NFIB: variants seen among roughly 807,000 people sequenced by gnomAD.
NFIB encodes the protein nuclear factor 1 B-type.
A neutral mutation model predicts 61.5 loss-of-function variants in NFIB; 11 were observed. The ratio of observed to expected loss-of-function variants is 0.18; its 90% CI spans 0.11 to 0.30. The LOEUF is 0.30. NFIB is among the 10% of genes least tolerant of loss of function. The pLI is 1.00. For synonymous variants in NFIB, 260 were observed against 216.5 expected (o/e 1.20, Z -1.76); for missense variants, 471 against 608.9 (o/e 0.77, Z 2.38).
chr9:14,411,226 C>A, the NFIB span, among the ~76,000 whole-genome samples: 1 of 152,186 alleles, frequency 6.6e-6, no homozygotes, highest in Non-Finnish European at 1.5e-5. Flanking sequence ...TCAGTGGACA[C>A]ACATTACTGG....
At chr9:14,423,240 G>A in the NFIB span, among the ~76,000 whole-genome samples, 1 of 152,146 alleles carries the variant, frequency 6.6e-6, no homozygotes, top group Non-Finnish European at 1.5e-5. Flanking sequence ...CATTCTTAAG[G>A]ATGGTTTATT....
chr9:14,099,164 C>A (rs1465556328), intron 10 of NFIB, among the ~76,000 whole-genome samples: 4 of 152,096 alleles, frequency 2.6e-5, no homozygotes, highest in African/African-American at 9.7e-5. Context: ...TAAAGCAAAA[C>A]CAAAACACCC....
intron 1 of NFIB, among the ~76,000 whole-genome samples, chr9:14,382,811 A>G (rs754463954): frequency 6.6e-6 from 1 of 152,198 alleles, no homozygotes; most frequent in South Asian, 2.1e-4. Flanking sequence ...TAGCTGCACT[A>G]CTAGAAAAAT....
chr9:14,186,772 T>C (rs1048510361), intron 2 of NFIB, among the ~76,000 whole-genome samples: 7 of 152,072 alleles, frequency 4.6e-5, no homozygotes, highest in Non-Finnish European at 8.8e-5. Flanking sequence ...GCTTTTTTTT[T>C]TCCAGCACAG....
chr9:14,513,577 G>A, the NFIB span, among the ~76,000 whole-genome samples: 3 of 139,330 alleles, frequency 2.2e-5, no homozygotes, highest in Admixed American at 7.9e-5. Context: ...GCAGTGAGCC[G>A]AAATTGTGCC....
At chr9:14,345,582 C>T (rs1049747668) in intron 1 of NFIB, among the ~76,000 whole-genome samples, 1 of 152,134 alleles carries the variant, frequency 6.6e-6, no homozygotes, top group Non-Finnish European at 1.5e-5. Flanking sequence ...TCGAAGCAAA[C>T]GCAAATCAGA....
Position 14,385,518 on chromosome 9 carries a change from T to C in NFIB, c.108+13006A>G, listed in dbSNP as rs1486601094. Among the ~76,000 whole-genome samples the C allele has an allele frequency of 5.3e-5, 8 of 152,292 alleles. No homozygotes were observed. In the East Asian group the frequency reaches 1.5e-3, roughly 29 times the overall value. ...TTATACATCTAAACATAAAATTAAC[T>C]TTTAAAAAGCATTTGAAATGTCGCA... On this transcript the variant is annotated intron_variant, in intron 1 of 8. Transcript: ENST00000380934.
chr9:14,120,722 C>A lies in NFIB; in HGVS notation c.1061-98G>T, dbSNP rs2119153583. On this transcript the variant is annotated intron_variant, in intron 7 of 10. Transcript: ENST00000380953. The surrounding 1 kb of genome is among the most constrained non-coding windows in gnomAD (Gnocchi z 4.4). ...TGCTGTGAAACTACAAAACTGGTAA[C>A]CATTCATTTTTGTCCCCATGATTTA... The A allele has an allele frequency of 1.6e-6, 2 of 1,252,684 alleles. No homozygotes were observed. The highest frequency in any genetic ancestry group is 3.0e-5 in the Admixed American group (1 of 33,712). 77.6% of individuals were successfully genotyped at this position (1,252,684 alleles called of 1,614,324 possible).
intron 2 of NFIB, among the ~76,000 whole-genome samples, chr9:14,239,032 G>C (rs1463056534): frequency 6.6e-6 from 1 of 152,178 alleles, no homozygotes; most frequent in African/African-American, 2.4e-5. Flanking sequence ...ATACAATATA[G>C]TTTATAATAG....
At chr9:14,400,134 C>T (rs2061728610), upstream of NFIB, among the ~76,000 whole-genome samples, 1 of 152,064 alleles carries the variant, frequency 6.6e-6, no homozygotes, top group Non-Finnish European at 1.5e-5. Flanking sequence ...CAGCAGAATG[C>T]ATTCTCAACA....
chr9:14,336,734 G>A (rs1014734560), intron 1 of NFIB, among the ~76,000 whole-genome samples: 3 of 110,394 alleles, frequency 2.7e-5, no homozygotes, highest in East Asian at 2.8e-4. Flanking sequence ...TCACCACATC[G>A]AAACACTTTA....
chr9:14,315,743 C>T (rs1348213315), upstream of NFIB, among the ~76,000 whole-genome samples: 1 of 151,810 alleles, frequency 6.6e-6, no homozygotes, highest in African/African-American at 2.4e-5. Context: ...CACCCCCCGC[C>T]CACATACACA....
At chr9:14,191,592 C>G (rs540773911) in intron 2 of NFIB, among the ~76,000 whole-genome samples, 41 of 152,250 alleles carry the variant, frequency 2.7e-4, no homozygotes, top group Middle Eastern at 6.8e-3. Flanking sequence ...AGATTCAAAT[C>G]AATTCCTTAT....
At chr9:14,173,324 G>A (rs1296168737) in intron 3 of NFIB, among the ~76,000 whole-genome samples, 2 of 152,044 alleles carry the variant, frequency 1.3e-5, no homozygotes, top group East Asian at 3.9e-4. Context: ...ACTCCACCAT[G>A]CCACCTACAA....
the NFIB span, among the ~76,000 whole-genome samples, chr9:14,416,200 C>A: frequency 2.0e-5 from 3 of 152,130 alleles, no homozygotes; most frequent in Non-Finnish European, 4.4e-5. Flanking sequence ...CCATAATGGT[C>A]CCATAGATTA....
At chr9:14,407,265 G>A in the NFIB span, among the ~76,000 whole-genome samples, 1 of 152,118 alleles carries the variant, frequency 6.6e-6, no homozygotes, top group African/African-American at 2.4e-5. Context: ...TGCTTTAACT[G>A]GAAGAGCCAG....
the NFIB span, among the ~76,000 whole-genome samples, chr9:14,425,512 T>C: frequency 1.3e-5 from 2 of 152,152 alleles, no homozygotes; most frequent in East Asian, 3.9e-4. Flanking sequence ...GGGGCACAGA[T>C]GATTGAGACA....
chr9:14,303,628 C>G (rs766882079), intron 2 of NFIB, among the ~76,000 whole-genome samples: 9 of 152,226 alleles, frequency 5.9e-5, no homozygotes, highest in Non-Finnish European at 1.2e-4. Context: ...TTGTCAAAAA[C>G]TTTCCAGTGT....
intron 1 of NFIB, among the ~76,000 whole-genome samples, chr9:14,350,272 G>C (rs1427507408): frequency 6.6e-6 from 1 of 152,204 alleles, no homozygotes; most frequent in Non-Finnish European, 1.5e-5. Flanking sequence ...ATTTTAACAA[G>C]TGGTTAGGCA....
Sources: gnomAD v4.1 joint callset for allele counts (sites outside exome capture counted in the v4.1 genomes callset) on GRCh38, gnomAD v4.1.1 for gene constraint, Gnocchi (gnomAD v3.1) non-coding constraint, MANE v1.5 for transcripts, NCBI Gene and HGNC (gene_info 2026-07-23, HGNC 2026-07-21) for gene names.